MEGF10: variants seen among roughly 807,000 people sequenced by gnomAD.
MEGF10 encodes multiple EGF like domains 10.
A neutral mutation model predicts 147.5 loss-of-function variants in MEGF10; 86 were observed. That is an observed-to-expected ratio of 0.58 (90% CI 0.49 to 0.70). MEGF10 has a LOEUF of 0.70. Ranked by LOEUF, MEGF10 falls within the 30% of genes least tolerant of loss-of-function variation. The pLI is 0.00. For synonymous variants in MEGF10, 478 were observed against 525.5 expected (o/e 0.91, Z 1.24); for missense variants, 1,329 against 1,487.3 (o/e 0.89, Z 1.75).
At chr5:127,345,108 G>T (rs1479078663) in intron 4 of MEGF10, among the ~76,000 whole-genome samples, 4 of 152,314 alleles carry the variant, frequency 2.6e-5, no homozygotes, top group Admixed American at 1.3e-4. Context: ...CCAGGACGAG[G>T]CTCTCATTTC....
intron 12 of MEGF10, among the ~76,000 whole-genome samples, chr5:127,422,256 C>G (rs1013726018): frequency 2.0e-5 from 3 of 152,112 alleles, no homozygotes; most frequent in Non-Finnish European, 4.4e-5. Flanking sequence ...TGCGGTGGCT[C>G]ACGCCTGTAA....
chr5:127,377,601 G>C (rs1010456761), intron 5 of MEGF10, among the ~76,000 whole-genome samples: 1 of 152,164 alleles, frequency 6.6e-6, no homozygotes, highest in Non-Finnish European at 1.5e-5. Flanking sequence ...TGTAAAGCAG[G>C]CATGATGTAC....
the MEGF10 span, among the ~76,000 whole-genome samples, chr5:127,244,542 G>GA: frequency 6.6e-6 from 1 of 151,890 alleles, no homozygotes; most frequent in East Asian, 1.9e-4. Context: ...CAGGCATAAT[G>GA]AAAAAAAGCC....
chr5:127,310,307 G>C (rs1760233416), intron 1 of MEGF10, among the ~76,000 whole-genome samples: 1 of 151,562 alleles, frequency 6.6e-6, no homozygotes, highest in Non-Finnish European at 1.5e-5. Flanking sequence ...TTTTTATATT[G>C]TTGATATTGA....
At chr5:127,264,936 A>C in the MEGF10 span, among the ~76,000 whole-genome samples, 3 of 150,648 alleles carry the variant, frequency 2.0e-5, no homozygotes, top group Non-Finnish European at 4.4e-5. Context: ...TTTTTATTAT[A>C]CTTTAAGTTC....
intron 1 of MEGF10, among the ~76,000 whole-genome samples, chr5:127,302,048 A>G (rs1759795877): frequency 6.6e-6 from 1 of 152,210 alleles, no homozygotes; most frequent in Non-Finnish European, 1.5e-5. Flanking sequence ...ACAAAAAATT[A>G]TTTATCTTAA....
chr5:127,316,479 C>G (rs1185888920), intron 1 of MEGF10, among the ~76,000 whole-genome samples: 2 of 152,130 alleles, frequency 1.3e-5, no homozygotes, highest in African/African-American at 4.8e-5. Flanking sequence ...AAACAAATAT[C>G]CCCCAAACAA....
At chr5:127,449,484 T>G (rs1016848252) in intron 22 of MEGF10, among the ~76,000 whole-genome samples, 13 of 152,248 alleles carry the variant, frequency 8.5e-5, no homozygotes, top group African/African-American at 3.1e-4. Flanking sequence ...GCTTACATTC[T>G]TGCTCTATGC....
At chr5:127,317,527 A>G (rs1760607892) in intron 1 of MEGF10, among the ~76,000 whole-genome samples, 1 of 152,204 alleles carries the variant, frequency 6.6e-6, no homozygotes, top group South Asian at 2.1e-4. Context: ...AGCTTTCTAC[A>G]TAGAAAATGT....
At chr5:127,370,084 C>A in intron 5 of MEGF10, 82 bp downstream of exon 5, 1 of 1,014,154 alleles carries the variant, frequency 9.9e-7, no homozygotes, top group Non-Finnish European at 1.5e-6. Context: ...CTGAGCCATG[C>A]TTTCCCTCTT....
At chr5:127,350,493 T>C (rs894059834) in intron 4 of MEGF10, among the ~76,000 whole-genome samples, 4 of 152,068 alleles carry the variant, frequency 2.6e-5, no homozygotes, top group African/African-American at 9.7e-5. Context: ...CTTCCTTCCT[T>C]GGTTCTCTTC....
At chr5:127,285,772 A>G in the MEGF10 span, among the ~76,000 whole-genome samples, 1 of 152,154 alleles carries the variant, frequency 6.6e-6, no homozygotes, top group Non-Finnish European at 1.5e-5. Context: ...ATAAAATTAA[A>G]TTAAAATAAA....
intron 5 of MEGF10, among the ~76,000 whole-genome samples, chr5:127,377,286 A>G (rs1181728972): frequency 6.6e-6 from 1 of 152,212 alleles, no homozygotes; most frequent in Non-Finnish European, 1.5e-5. Flanking sequence ...CCTATTTATA[A>G]TTTCCCAAAC....
chr5:127,455,534 G>A lies in MEGF10; in HGVS notation c.3159G>A (p.Ser1053=), dbSNP rs143914256. Residue 1053 remains serine (S), a synonymous_variant, in exon 24 of 25, where the codon TCG becomes TCA. Coordinates refer to ENST00000503335, the MANE Select transcript of MEGF10 (RefSeq NM_001256545.2). ...AGTGTGGTTATGTGGAGATGAAATC[G>A]CCGGCACGAAGAGATTCCCCATATG... ...SSECGYVEMK[S]PARRDSPYAE... The A allele has an allele frequency of 9.9e-6, 16 of 1,614,062 alleles. No individual in the cohort carries two copies. The highest frequency in any genetic ancestry group is 8.0e-5 in the African/African-American group (6 of 75,020).
the MEGF10 span, among the ~76,000 whole-genome samples, chr5:127,281,339 C>T: frequency 6.6e-6 from 1 of 152,074 alleles, no homozygotes; most frequent in African/African-American, 2.4e-5. Flanking sequence ...AACATGAAGC[C>T]CTTTTATTTG....
intron 13 of MEGF10, among the ~76,000 whole-genome samples, chr5:127,425,471 G>T (rs947723356): frequency 6.6e-6 from 1 of 152,030 alleles, no homozygotes. Flanking sequence ...GTGGGCTGTT[G>T]GTCTGTAAGC....
Position 127,422,953 on chromosome 5 carries a change from G to A in MEGF10, c.1693+181G>A, listed in dbSNP as rs118151260. Among the ~76,000 whole-genome samples the A allele has an allele frequency of 0.022, 3,322 of 152,286 alleles. 37 individuals are homozygous for A. The highest frequency in any genetic ancestry group is 0.045 in the East Asian group (232 of 5,186). ...TCCAGGACTGATTTTTTGTTGATTT[G>A]TGTAGGGGCAGTTCTCTTGAGCTAC... is the stretch of plus-strand genomic sequence containing the variant. On this transcript the variant is annotated intron_variant, in intron 13 of 24. Coordinates refer to ENST00000503335, the MANE Select transcript of MEGF10 (RefSeq NM_001256545.2).
At chr5:127,259,881 G>A in the MEGF10 span, among the ~76,000 whole-genome samples, 1 of 152,166 alleles carries the variant, frequency 6.6e-6, no homozygotes, top group Non-Finnish European at 1.5e-5. Flanking sequence ...AGGTGGCCGG[G>A]CACGGTGGCT....
chr5:127,339,088 TA>T, intron 2 of MEGF10, 31 bp from the exon 3 acceptor site: 1 of 1,407,088 alleles, frequency 7.1e-7, no homozygotes, highest in Non-Finnish European at 9.9e-7. Flanking sequence ...AAAAGAGAAA[TA>T]CTGATTTCTT....
Sources: gnomAD v4.1 joint callset for allele counts (sites outside exome capture counted in the v4.1 genomes callset) on GRCh38, gnomAD v4.1.1 for gene constraint, MANE v1.5 for transcripts, NCBI Gene and HGNC (gene_info 2026-07-23, HGNC 2026-07-21) for gene names.